SACM1L: variants seen among roughly 807,000 people sequenced by gnomAD.
The protein encoded by SACM1L is phosphatidylinositol-3-phosphatase SAC1.
A neutral mutation model predicts 89.5 loss-of-function variants in SACM1L; 32 were observed. That is an observed-to-expected ratio of 0.36 (90% CI 0.27 to 0.48). The LOEUF is 0.48. Among genes scored for constraint, SACM1L ranks in the 20% least tolerant of loss-of-function variants. SACM1L has a pLI of 0.99. For missense variants in SACM1L, 543 were observed against 708.5 expected (o/e 0.77, Z 2.65); for synonymous variants, 213 against 232.8 (o/e 0.92, Z 0.77).
intron 3 of SACM1L, 121 bp from the exon 4 acceptor site, chr3:45,706,659 A>G: frequency 1.4e-6 from 1 of 695,708 alleles, no homozygotes. Context: ...TGGGCCTTTT[A>G]TCTGAGTGGC....
rs190121361 is a variant in SACM1L, at chr3:45,727,675, G to A, written c.922-3626G>A. On this transcript the variant is annotated intron_variant, in intron 11 of 19. Transcript: ENST00000389061. ...ACTCTGTCACCCAGGCTGGAGTGCA[G>A]TGGCATGCCTCCCTGGTTTGCACCA... Among the ~76,000 whole-genome samples the A allele has an allele frequency of 5.2e-3, 787 of 152,190 alleles. 6 individuals are homozygous for A. The highest frequency in any genetic ancestry group is 0.018 in the African/African-American group (746 of 41,530).
chr3:45,700,262 A>G (rs962912900), intron 1 of SACM1L, among the ~76,000 whole-genome samples: 4 of 152,232 alleles, frequency 2.6e-5, no homozygotes, highest in Non-Finnish European at 4.4e-5. Flanking sequence ...AACAGGTAAC[A>G]CACCCTTTGT....
intron 1 of SACM1L, among the ~76,000 whole-genome samples, chr3:45,700,214 T>G (rs1435721176): frequency 6.6e-6 from 1 of 152,234 alleles, no homozygotes; most frequent in African/African-American, 2.4e-5. Context: ...GCTTGGTGAA[T>G]AATAATCTTT....
intron 1 of SACM1L, among the ~76,000 whole-genome samples, chr3:45,700,817 A>G (rs981744949): frequency 1.3e-5 from 2 of 152,190 alleles, no homozygotes; most frequent in African/African-American, 2.4e-5. Flanking sequence ...GACTACAGGC[A>G]TGTACCACCA....
At chr3:45,707,393 C>A (rs1207497511) in intron 4 of SACM1L, 2 of 152,182 alleles carry the variant, frequency 1.3e-5, no homozygotes, top group African/African-American at 4.8e-5. Flanking sequence ...ATTTCAGTAA[C>A]CATAGTTTAG....
At chr3:45,709,014 G>A (rs1698460818) in intron 4 of SACM1L, among the ~76,000 whole-genome samples, 1 of 152,154 alleles carries the variant, frequency 6.6e-6, no homozygotes. Context: ...CCAAACCAGG[G>A]AACGTTTCTT....
rs1003692197 is a variant in SACM1L, at chr3:45,715,164, A to C, written c.577+1085A>C. Among the ~76,000 whole-genome samples the C allele has an allele frequency of 2.0e-5, 3 of 152,156 alleles. No homozygotes were observed. The East Asian group carries it at 5.8e-4, about 29-fold the overall frequency. ...AATGTATAGAATTGCCTAACGATGCATTTCTCAGAATGTACCCCTATTAAG... is the reference window on the plus strand; with the variant it reads ...AATGTATAGAATTGCCTAACGATGCCTTTCTCAGAATGTACCCCTATTAAG... On this transcript the variant is annotated intron_variant, in intron 7 of 19. Transcript: ENST00000389061.
chr3:45,728,824 C>T (rs1284687723), intron 11 of SACM1L, among the ~76,000 whole-genome samples: 1 of 152,080 alleles, frequency 6.6e-6, no homozygotes, highest in Non-Finnish European at 1.5e-5. Context: ...AGGCACATAC[C>T]ACCATGCTTG....
At chr3:45,707,899 T>G (rs1408020068) in intron 4 of SACM1L, among the ~76,000 whole-genome samples, 2 of 152,156 alleles carry the variant, frequency 1.3e-5, no homozygotes, top group African/African-American at 4.8e-5. Context: ...ATAAATTTTT[T>G]TACAAAGAAA....
At chr3:45,690,406 A>AT (rs1016771528) in intron 1 of SACM1L, 2 of 152,178 alleles carry the variant, frequency 1.3e-5, no homozygotes, top group Non-Finnish European at 2.9e-5. Context: ...AACAAATGTA[A>AT]TTTTTTAGAA....
At chr3:45,733,837 C>G (rs532047785) in intron 13 of SACM1L, among the ~76,000 whole-genome samples, 7 of 152,118 alleles carry the variant, frequency 4.6e-5, no homozygotes, top group Non-Finnish European at 1.0e-4. Flanking sequence ...ATTTAAAGTT[C>G]TAGAGTTAGT....
At chr3:45,700,205 C>T (rs571394530) in intron 1 of SACM1L, among the ~76,000 whole-genome samples, 15 of 152,182 alleles carry the variant, frequency 9.9e-5, no homozygotes, top group Non-Finnish European at 2.1e-4. Flanking sequence ...GATTTCTGAG[C>T]TTGGTGAATA....
At chr3:45,711,984 C>T (rs1698541292) in intron 5 of SACM1L, among the ~76,000 whole-genome samples, 1 of 152,154 alleles carries the variant, frequency 6.6e-6, no homozygotes, top group Non-Finnish European at 1.5e-5. Context: ...AATCATTTAA[C>T]TTTATAGAAA....
chr3:45,722,027 ACT>A lies in SACM1L; in HGVS notation c.708_709del (p.Phe237CysfsTer56). The stretch of plus-strand genomic sequence containing the variant: ...ATTGATTCGGAAGGCCATGCAGCTA[ACT>A]TTGTAGAAACAGAACAAATTGTGCA... On this transcript the variant is annotated frameshift_variant, in exon 9 of 20. Transcript: ENST00000389061. LOFTEE classifies it high-confidence loss of function. 6.2e-7 allele frequency: 1 copy of A among 1,612,684 alleles called. No individual in the cohort carries two copies. Among genetic ancestry groups the A allele is most frequent in the South Asian group, 1.1e-5 (1 of 90,776 alleles).
At chr3:45,700,615 C>T (rs1475307754) in intron 1 of SACM1L, among the ~76,000 whole-genome samples, 1 of 152,190 alleles carries the variant, frequency 6.6e-6, no homozygotes, top group Non-Finnish European at 1.5e-5. Context: ...CATGTGTATT[C>T]TGTCATCCAC....
chr3:45,693,107 TAG>T (rs1362917227), intron 1 of SACM1L, among the ~76,000 whole-genome samples: 4 of 152,200 alleles, frequency 2.6e-5, no homozygotes, highest in Admixed American at 6.5e-5. Context: ...CTGAATACTG[TAG>T]GCAGTTGCAA....
chr3:45,707,901 A>T (rs1698434760), intron 4 of SACM1L, among the ~76,000 whole-genome samples: 1 of 152,130 alleles, frequency 6.6e-6, no homozygotes, highest in South Asian at 2.1e-4. Flanking sequence ...AAATTTTTTT[A>T]CAAAGAAAAT....
At chr3:45,689,885 C>G (rs1201460227) in intron 1 of SACM1L, 3 of 282,602 alleles carry the variant, frequency 1.1e-5, no homozygotes, top group Admixed American at 9.6e-5. Flanking sequence ...TCTTACTTAA[C>G]GGACCTACAG....
chr3:45,706,638 T>G, intron 3 of SACM1L, 142 bp from the exon 4 acceptor site: 1 of 512,608 alleles, frequency 2.0e-6, no homozygotes, highest in Non-Finnish European at 3.3e-6. Flanking sequence ...ATTGTAAGGT[T>G]GCTTTAAAAA....
Sources: allele counts gnomAD v4.1 joint callset (sites outside exome capture counted in the v4.1 genomes callset), GRCh38; gene constraint gnomAD v4.1.1; transcripts MANE v1.5; gene names NCBI Gene and HGNC (gene_info 2026-07-23, HGNC 2026-07-21).